Variants in PDS5A observed in about 807,000 individuals in gnomAD.
The protein encoded by PDS5A is PDS5 cohesin associated factor A, also known as sister chromatid cohesion protein PDS5 homolog A.
Under a neutral mutation model 167.1 loss-of-function variants are expected in PDS5A, and 42 were observed. That is an observed-to-expected ratio of 0.25 (90% CI 0.20 to 0.33). The LOEUF (loss-of-function observed/expected upper bound fraction) is 0.33. PDS5A is among the 10% of genes least tolerant of loss of function. The pLI is 1.00. For missense variants in PDS5A, 1,033 were observed against 1,605.9 expected, an observed-to-expected ratio of 0.64 and a Z score of 6.10; for synonymous variants, 553 against 554.6, an observed-to-expected ratio of 1.00 and a Z score of 0.04.
Position 39,917,132 on chromosome 4 carries a change from A to G in PDS5A, c.792T>C (p.His264=), listed in dbSNP as rs780764312. 18 of 1,556,350 alleles carry G rather than the reference A, an allele frequency of 1.2e-5. No homozygotes were observed. The highest frequency in any genetic ancestry group is 2.4e-5 in the East Asian group (1 of 41,540). ...AAAGTTCCTGAATCAGATCAAATAC[A>G]TGTTCTGACAAATCACTTACTGATG... The part of the protein sequence containing the change: ...GRSSVSDLSE[H]VFDLIQELFA... The change falls in exon 8 of 33, where the codon CAT becomes CAC. Residue 264 remains histidine, a synonymous_variant. Transcript: ENST00000303538.
chr4:39,911,277 T>C (rs991637311), intron 9 of PDS5A, among the ~76,000 whole-genome samples: 2 of 151,924 alleles, frequency 1.3e-5, no homozygotes, highest in African/African-American at 4.8e-5. Flanking sequence ...GTGCCTGTAA[T>C]ACCAGCTACT....
rs779449059 is a variant in PDS5A, at chr4:39,928,077, C to G, written c.226G>C (p.Glu76Gln). Reference protein sequence around the residue: ...YLPLALHLASEFFLRNPNKDV... With the variant: ...YLPLALHLASQFFLRNPNKDV... ...TTATTGGGGTTCCTGAGGAAGAATT[C>G]AGATGCAAGATGCAAGGCTAGTGGG... The change falls in exon 3 of 33, where the codon GAA (glutamate) becomes CAA (glutamine). Residue 76 changes from glutamate (E) to glutamine (Q), a missense_variant. Glu to Gln is a conservative substitution (Grantham distance 29). Coordinates refer to ENST00000303538, the MANE Select transcript of PDS5A (RefSeq NM_001100399.2). 1 of 1,613,292 alleles carries G rather than the reference C, an allele frequency of 6.2e-7. No individual in the cohort carries two copies. Among genetic ancestry groups the G allele is most frequent in the Admixed American group, 1.7e-5 (1 of 59,984 alleles).
chr4:39,972,541 A>T (rs1205970071), intron 2 of PDS5A, among the ~76,000 whole-genome samples: 3 of 152,056 alleles, frequency 2.0e-5, no homozygotes, highest in South Asian at 2.1e-4. Flanking sequence ...AAATAAATAA[A>T]AAATAAAAAT....
intron 11 of PDS5A, among the ~76,000 whole-genome samples, chr4:39,905,934 A>C (rs1723295381): frequency 6.6e-6 from 1 of 152,126 alleles, no homozygotes; most frequent in Admixed American, 6.5e-5. Context: ...GATTTAAAAA[A>C]TAAAAAAGAA....
intron 5 of PDS5A, among the ~76,000 whole-genome samples, chr4:39,923,204 T>C (rs1026696269): frequency 1.4e-3 from 209 of 151,604 alleles, no homozygotes; most frequent in African/African-American, 5.0e-3. Context: ...GGCGGGCACC[T>C]GGAATTCCAG....
At chr4:39,849,333 T>C (rs565079925) in intron 27 of PDS5A, among the ~76,000 whole-genome samples, 187 bp downstream of exon 27, 1 of 150,472 alleles carries the variant, frequency 6.6e-6, no homozygotes, top group East Asian at 2.0e-4. Flanking sequence ...CTTTTCAGAG[T>C]ACTAAAGATT....
chr4:39,914,224 C>T (rs1424939617), intron 8 of PDS5A, among the ~76,000 whole-genome samples: 11 of 145,522 alleles, frequency 7.6e-5, no homozygotes, highest in Non-Finnish European at 1.6e-4. Flanking sequence ...TGCAGTGGCA[C>T]GATCTCAGCT....
chr4:39,856,687 G>A (rs549335171), intron 26 of PDS5A, among the ~76,000 whole-genome samples: 2 of 152,110 alleles, frequency 1.3e-5, no homozygotes, highest in African/African-American at 4.8e-5. Context: ...GTGGTGGCGG[G>A]CACCTGTAAT....
intron 2 of PDS5A, among the ~76,000 whole-genome samples, chr4:39,939,195 T>C (rs1726979606): frequency 6.6e-6 from 1 of 152,120 alleles, no homozygotes; most frequent in Non-Finnish European, 1.5e-5. Context: ...CATTGTACAG[T>C]GGCTCATGCC....
intron 2 of PDS5A, among the ~76,000 whole-genome samples, chr4:39,950,376 G>A (rs1165856445): frequency 6.6e-6 from 1 of 151,802 alleles, no homozygotes; most frequent in South Asian, 2.1e-4. Flanking sequence ...GCAGTGAGCC[G>A]AGATCATGCC....
Position 39,852,594 on chromosome 4 carries a change from A to G in PDS5A, c.3087-2942T>C, listed in dbSNP as rs568968341. 5.3e-5 allele frequency among the ~76,000 whole-genome samples: 8 copies of G among 152,248 alleles called. No homozygotes were observed. The South Asian group carries it at 1.4e-3, about 28-fold the overall frequency. On this transcript the variant is annotated intron_variant, in intron 26 of 32. Transcript: ENST00000303538. ...GCCTTGCATTCCCCTAAAAGTTATAACTGCTCATTCTATTAGATGATGCAT... is the reference window on the plus strand; with the variant it reads ...GCCTTGCATTCCCCTAAAAGTTATAGCTGCTCATTCTATTAGATGATGCAT...
chr4:39,862,689 CA>C (rs946177115), intron 25 of PDS5A, among the ~76,000 whole-genome samples, 179 bp downstream of exon 25: 38 of 152,032 alleles, frequency 2.5e-4, no homozygotes, highest in Non-Finnish European at 4.9e-4. Flanking sequence ...AGAGTTAATG[CA>C]GCATAAATAG....
chr4:39,929,112 TA>T (rs1039630675), intron 2 of PDS5A, among the ~76,000 whole-genome samples: 2 of 152,320 alleles, frequency 1.3e-5, no homozygotes, highest in African/African-American at 4.8e-5. Flanking sequence ...CCTCAGATCT[TA>T]AAAATGATTC....
intron 2 of PDS5A, among the ~76,000 whole-genome samples, chr4:39,947,525 C>T (rs1265209827): frequency 6.6e-6 from 1 of 152,146 alleles, no homozygotes; most frequent in East Asian, 1.9e-4. Context: ...AGTGTCCAAT[C>T]CTTTGGCTTC....
At chr4:39,916,629 C>T (rs990440793) in intron 8 of PDS5A, among the ~76,000 whole-genome samples, 11 of 151,962 alleles carry the variant, frequency 7.2e-5, no homozygotes, top group Non-Finnish European at 1.6e-4. Flanking sequence ...GCACTTTGGG[C>T]AGCCGAGGTG....
chr4:39,874,439 T>C (rs970695906), intron 19 of PDS5A, 27 bp from the exon 20 acceptor site: 2 of 1,602,980 alleles, frequency 1.2e-6, no homozygotes, highest in Admixed American at 1.7e-5. Context: ...AGTTGTTTTT[T>C]TTTCTTAAAC....
rs1715013389 is a variant in PDS5A, at chr4:39,823,277, A to T, written c.*2208T>A. ...TCCCCATCAGCTTGGTCTTTCCACA[A>T]CCCTACTCTTGCTTCCCTTAGTGCC... On this transcript the variant is annotated 3_prime_UTR_variant, in exon 33 of 33. Coordinates refer to ENST00000303538, the MANE Select transcript of PDS5A (RefSeq NM_001100399.2). 1 of 152,162 alleles carries T rather than the reference A, an allele frequency of 6.6e-6. No individual in the cohort carries two copies. The highest frequency in any genetic ancestry group is 2.4e-5 in the African/African-American group (1 of 41,410). The allele number at this position is 152,162 out of a possible 1,614,324, so 9.4% of individuals were successfully genotyped here.
At chr4:39,910,788 A>C (rs1389868072) in intron 9 of PDS5A, among the ~76,000 whole-genome samples, 1 of 152,196 alleles carries the variant, frequency 6.6e-6, no homozygotes, top group African/African-American at 2.4e-5. Flanking sequence ...TGTGGCCAGG[A>C]GTTTAAGACC....
At chr4:39,907,495 C>T (rs1002548636) in intron 11 of PDS5A, among the ~76,000 whole-genome samples, 8 of 152,064 alleles carry the variant, frequency 5.3e-5, no homozygotes, top group African/African-American at 9.7e-5. Flanking sequence ...AATCAGCCTG[C>T]CTTACACATC....
Sources: allele counts gnomAD v4.1 joint callset (sites outside exome capture counted in the v4.1 genomes callset), GRCh38; gene constraint gnomAD v4.1.1; transcripts MANE v1.5; gene names NCBI Gene and HGNC (gene_info 2026-07-23, HGNC 2026-07-21).